The following LRP1B variants were observed in gnomAD, a reference collection of about 807,000 sequenced individuals.
LRP1B encodes the protein LDL receptor related protein 1B.
A neutral mutation model predicts 556.6 loss-of-function variants in LRP1B; 217 were observed. The observed-to-expected ratio is 0.39, with a 90% CI of 0.35 to 0.44. LRP1B has a LOEUF of 0.44. Ranked by LOEUF, LRP1B falls within the 20% of genes least tolerant of loss-of-function variation. LRP1B has a pLI of 1.00. For missense variants in LRP1B, 5,053 were observed against 5,620.8 expected (o/e 0.90, Z 3.23); for synonymous variants, 2,047 against 1,865.8 (o/e 1.10, Z -2.50).
intron 35 of LRP1B, among the ~76,000 whole-genome samples, chr2:140,720,853 T>A (rs982250351): frequency 6.6e-6 from 1 of 152,170 alleles, no homozygotes; most frequent in African/African-American, 2.4e-5. Context: ...AGGTAAAATA[T>A]AATATATATG....
At chr2:141,159,976 A>G (rs2105108549) in intron 7 of LRP1B, among the ~76,000 whole-genome samples, 1 of 152,072 alleles carries the variant, frequency 6.6e-6, no homozygotes, top group South Asian at 2.1e-4. Flanking sequence ...GTAACAACAC[A>G]CACCAGGGCC....
At chr2:141,424,348 G>A (rs1680271581) in intron 3 of LRP1B, among the ~76,000 whole-genome samples, 1 of 152,086 alleles carries the variant, frequency 6.6e-6, no homozygotes, top group African/African-American at 2.4e-5. Flanking sequence ...TTCGACCTCA[G>A]GTGATCCACT....
intron 31 of LRP1B, among the ~76,000 whole-genome samples, chr2:140,834,705 G>C (rs1322744816): frequency 6.6e-6 from 1 of 152,068 alleles, no homozygotes. Context: ...GAGGAAAGAA[G>C]ATGAAAATAA....
intron 5 of LRP1B, among the ~76,000 whole-genome samples, chr2:141,240,104 A>G (rs1683808423): frequency 6.6e-6 from 1 of 152,082 alleles, no homozygotes; most frequent in Admixed American, 6.6e-5. Flanking sequence ...TGAGTCCTAA[A>G]AGAAATACAC....
intron 31 of LRP1B, among the ~76,000 whole-genome samples, chr2:140,839,373 A>T (rs1026717080): frequency 2.0e-5 from 3 of 152,148 alleles, no homozygotes; most frequent in African/African-American, 7.2e-5. Context: ...TGTGTCTGTG[A>T]AGCTGTTGCC....
chr2:140,740,881 C>T (rs1442514894), intron 35 of LRP1B, among the ~76,000 whole-genome samples: 1 of 151,954 alleles, frequency 6.6e-6, no homozygotes, highest in Non-Finnish European at 1.5e-5. Context: ...ACCCACATGA[C>T]CTCATTTTAC....
chr2:140,743,896 G>A (rs535316852), intron 35 of LRP1B, among the ~76,000 whole-genome samples: 251 of 148,096 alleles, frequency 1.7e-3, no homozygotes, highest in African/African-American at 5.9e-3. Context: ...GAACCCAGGA[G>A]GGGGATGTTG....
chr2:140,638,003 A>G (rs1198394427), intron 41 of LRP1B, among the ~76,000 whole-genome samples: 2 of 152,260 alleles, frequency 1.3e-5, no homozygotes, highest in African/African-American at 4.8e-5. Flanking sequence ...TACCTGGATC[A>G]TATAAAGTCA....
At chr2:141,504,083 T>G (rs1232563347) in intron 2 of LRP1B, among the ~76,000 whole-genome samples, 1 of 152,186 alleles carries the variant, frequency 6.6e-6, no homozygotes, top group Non-Finnish European at 1.5e-5. Context: ...GTTACTCACA[T>G]GTCCAAAGGA....
chr2:141,197,803 T>C (rs1448740671), intron 6 of LRP1B, among the ~76,000 whole-genome samples: 6 of 152,104 alleles, frequency 3.9e-5, no homozygotes, highest in African/African-American at 1.4e-4. Flanking sequence ...ATTAAATATG[T>C]AATCATATTT....
chr2:141,404,803 G>A (rs1016439030), intron 3 of LRP1B, among the ~76,000 whole-genome samples: 2 of 151,890 alleles, frequency 1.3e-5, no homozygotes, highest in Non-Finnish European at 2.9e-5. Flanking sequence ...CAAGACATTG[G>A]GTTAACATAA....
At chr2:141,718,879 C>T (rs752321948) in intron 2 of LRP1B, among the ~76,000 whole-genome samples, 2 of 152,000 alleles carry the variant, frequency 1.3e-5, no homozygotes, top group Non-Finnish European at 2.9e-5. Flanking sequence ...AAGCAAAAAC[C>T]AAAAACCAAA....
chr2:141,140,564 G>T (rs1397748352), intron 7 of LRP1B, among the ~76,000 whole-genome samples: 1 of 152,054 alleles, frequency 6.6e-6, no homozygotes, highest in African/African-American at 2.4e-5. Flanking sequence ...GTCCTAACAA[G>T]GAGAAAACAT....
intron 23 of LRP1B, among the ~76,000 whole-genome samples, chr2:140,895,527 G>T (rs753174831): frequency 6.6e-6 from 1 of 152,052 alleles, no homozygotes; most frequent in Admixed American, 6.6e-5. Flanking sequence ...GCAGAACTCC[G>T]TGTGGCCCCT....
rs551466661 is a variant in LRP1B, at chr2:140,768,302, C to A, written c.5758+911G>T. 7.2e-5 allele frequency among the ~76,000 whole-genome samples: 11 copies of A among 151,864 alleles called. No individual in the cohort carries two copies. The South Asian group carries it at 2.1e-3, about 29-fold the overall frequency. On this transcript the variant is annotated intron_variant, in intron 35 of 90. Coordinates refer to ENST00000389484, the MANE Select transcript of LRP1B (RefSeq NM_018557.3). ...TGTACCAGAAGCCCACATGCTGGTGCAAGATTACAATGATTCTTTTTTTTA... is the reference window on the plus strand; with the variant it reads ...TGTACCAGAAGCCCACATGCTGGTGAAAGATTACAATGATTCTTTTTTTTA...
chr2:141,738,053 GAA>G (rs759368053), intron 2 of LRP1B, among the ~76,000 whole-genome samples: 2 of 145,608 alleles, frequency 1.4e-5, no homozygotes, highest in African/African-American at 5.0e-5. Flanking sequence ...CAATCTCCAG[GAA>G]AAAAAAAAAT....
At position 141,284,238 on chromosome 2, in the gene LRP1B, AGAATAAAG is replaced by A. The variant is rs540873827; in HGVS notation, c.344-29605_344-29598del. ...CTGGGGAACTCAATAATTGTTTGAA[AGAATAAAG>A]GAATAAAGGAATAAATGAAGCAATA... On this transcript the variant is annotated intron_variant, in intron 3 of 90. Coordinates refer to ENST00000389484, the MANE Select transcript of LRP1B (RefSeq NM_018557.3). Among the ~76,000 whole-genome samples, 859 of 152,336 alleles carry A rather than the reference AGAATAAAG, an allele frequency of 5.6e-3. 9 individuals are homozygous for A. The highest frequency in any genetic ancestry group is 0.019 in the African/African-American group (787 of 41,584).
intron 1 of LRP1B, among the ~76,000 whole-genome samples, chr2:141,939,378 C>T (rs1188796965): frequency 1.3e-5 from 2 of 151,926 alleles, no homozygotes; most frequent in African/African-American, 4.8e-5. Context: ...AATAGAGAAT[C>T]TGAACAGAGG....
intron 3 of LRP1B, among the ~76,000 whole-genome samples, chr2:141,354,318 G>C (rs370787817): frequency 2.6e-5 from 4 of 152,164 alleles, no homozygotes; most frequent in African/African-American, 9.6e-5. Flanking sequence ...TAGTTATCTA[G>C]AAGAAGGTCA....
Sources: gnomAD v4.1 joint callset for allele counts (sites outside exome capture counted in the v4.1 genomes callset) on GRCh38, gnomAD v4.1.1 for gene constraint, MANE v1.5 for transcripts, NCBI Gene and HGNC (gene_info 2026-07-23, HGNC 2026-07-21) for gene names.